The following PACRG variants were observed in gnomAD, a reference collection of about 807,000 sequenced individuals.
PACRG encodes parkin coregulated.
Under a neutral mutation model 29.7 loss-of-function variants are expected in PACRG, and 29 were observed. That is an observed-to-expected ratio of 0.98 (90% CI 0.73 to 1.33). PACRG has a LOEUF of 1.33. Among genes scored for constraint, PACRG ranks in the 40% most tolerant of loss-of-function variants. The probability of loss-of-function intolerance (pLI) is 0.00; values close to 1 mark genes in which losing one functional copy is unlikely to be tolerated. For missense variants in PACRG, 279 were observed against 316.2 expected (o/e 0.88, Z 0.89); for synonymous variants, 116 against 118.7 (o/e 0.98, Z 0.15).
At chr6:163,308,712 T>G (rs1282939487) in intron 4 of PACRG, among the ~76,000 whole-genome samples, 1 of 148,894 alleles carries the variant, frequency 6.7e-6, no homozygotes, top group Non-Finnish European at 1.5e-5. Flanking sequence ...CAACAGAGAA[T>G]CTGTGATGGC....
At chr6:162,847,060 T>C (rs879058771) in intron 2 of PACRG, among the ~76,000 whole-genome samples, 2 of 128,212 alleles carry the variant, frequency 1.6e-5, no homozygotes, top group South Asian at 2.4e-4. Flanking sequence ...GTGCTCCTCA[T>C]GCTGACTGCC....
chr6:163,066,888 A>G (rs559027227), intron 3 of PACRG, among the ~76,000 whole-genome samples: 1 of 152,348 alleles, frequency 6.6e-6, no homozygotes, highest in East Asian at 1.9e-4. Context: ...AGAGTTTTCA[A>G]GTGTATAAAG....
chr6:163,039,191 T>G (rs1808472886), intron 2 of PACRG, among the ~76,000 whole-genome samples: 1 of 152,190 alleles, frequency 6.6e-6, no homozygotes, highest in African/African-American at 2.4e-5. Flanking sequence ...CTGCACTCTC[T>G]CTCTCCTGCT....
chr6:163,013,073 A>T (rs556746209), intron 2 of PACRG, among the ~76,000 whole-genome samples: 1 of 152,136 alleles, frequency 6.6e-6, no homozygotes, highest in South Asian at 2.1e-4. Flanking sequence ...AAATGGTAAC[A>T]TTTTGGATAT....
At chr6:163,130,073 A>G (rs1473121359) in intron 4 of PACRG, among the ~76,000 whole-genome samples, 1 of 152,224 alleles carries the variant, frequency 6.6e-6, no homozygotes, top group Non-Finnish European at 1.5e-5. Flanking sequence ...TAAAAGGAGA[A>G]ATGGCAAAGG....
At chr6:163,159,779 T>C (rs552724786) in intron 4 of PACRG, among the ~76,000 whole-genome samples, 5 of 152,294 alleles carry the variant, frequency 3.3e-5, no homozygotes, top group African/African-American at 1.2e-4. Context: ...TCCCACAAAT[T>C]GTTTTCTAAT....
At chr6:163,286,935 T>A (rs1784422273) in intron 4 of PACRG, among the ~76,000 whole-genome samples, 1 of 150,764 alleles carries the variant, frequency 6.6e-6, no homozygotes, top group South Asian at 2.1e-4. Flanking sequence ...TGTATGTGAC[T>A]GTGGATGTGT....
chr6:163,296,080 G>T (rs530327077), intron 4 of PACRG, among the ~76,000 whole-genome samples: 1 of 152,116 alleles, frequency 6.6e-6, no homozygotes, highest in African/African-American at 2.4e-5. Flanking sequence ...TAGGAGACTC[G>T]TGGAAACCCA....
At chr6:163,065,431 C>T (rs922341394) in intron 3 of PACRG, among the ~76,000 whole-genome samples, 5 of 152,100 alleles carry the variant, frequency 3.3e-5, no homozygotes, top group Admixed American at 6.5e-5. Flanking sequence ...CTGGAATCTC[C>T]GCATACGAAA....
intron 2 of PACRG, among the ~76,000 whole-genome samples, chr6:162,884,043 T>C (rs1052813372): frequency 1.3e-5 from 2 of 152,110 alleles, no homozygotes; most frequent in East Asian, 3.9e-4. Flanking sequence ...GCTCAAGCGA[T>C]CCTCCCACCT....
At chr6:162,769,770 A>G (rs1783073438) in intron 1 of PACRG, among the ~76,000 whole-genome samples, 3 of 151,780 alleles carry the variant, frequency 2.0e-5, no homozygotes, top group Admixed American at 6.6e-5. Flanking sequence ...GTTAGCAAAA[A>G]AAAAAAAGAA....
At chr6:163,167,152 G>GT (rs1427393917) in intron 4 of PACRG, among the ~76,000 whole-genome samples, 3 of 152,170 alleles carry the variant, frequency 2.0e-5, no homozygotes, top group African/African-American at 4.8e-5. Context: ...CAGTTTGCTG[G>GT]TAAAACACAA....
chr6:163,211,821 A>G (rs1781154777), intron 4 of PACRG, among the ~76,000 whole-genome samples: 1 of 152,216 alleles, frequency 6.6e-6, no homozygotes. Flanking sequence ...AGGGGAGGGT[A>G]GCATAATGCA....
chr6:163,136,996 C>T (rs1370484727), intron 4 of PACRG, among the ~76,000 whole-genome samples: 1 of 152,188 alleles, frequency 6.6e-6, no homozygotes, highest in Non-Finnish European at 1.5e-5. Flanking sequence ...ATAGTTTAAA[C>T]GGAACTCCTA....
chr6:163,093,877 A>T (rs1271229367), intron 4 of PACRG, among the ~76,000 whole-genome samples: 2 of 152,244 alleles, frequency 1.3e-5, no homozygotes, highest in African/African-American at 2.4e-5. Context: ...ACATTAAAAC[A>T]TATGGGGAAT....
chr6:163,260,417 G>A (rs540058360), intron 4 of PACRG, among the ~76,000 whole-genome samples: 9 of 152,274 alleles, frequency 5.9e-5, no homozygotes, highest in African/African-American at 1.2e-4. Flanking sequence ...TTCAAAGTTC[G>A]GGCTTTAAAA....
chr6:162,943,462 C>G (rs1798774254), intron 2 of PACRG, among the ~76,000 whole-genome samples: 1 of 152,136 alleles, frequency 6.6e-6, no homozygotes, highest in Admixed American at 6.5e-5. Flanking sequence ...AGTGCACACT[C>G]CCCAGCTGCC....
intron 2 of PACRG, among the ~76,000 whole-genome samples, chr6:162,947,627 T>TATAATC (rs1799319639): frequency 3.3e-5 from 2 of 61,114 alleles, no homozygotes; most frequent in African/African-American, 1.3e-4. Context: ...TATATATATA[T>TATAATC]ATATATATAT....
chr6:163,213,631 C>A (rs1034957135), intron 4 of PACRG, among the ~76,000 whole-genome samples: 3 of 152,020 alleles, frequency 2.0e-5, no homozygotes, highest in African/African-American at 7.2e-5. Context: ...TTTTATGAAG[C>A]CTCTATGTAT....
Sources: allele counts gnomAD v4.1 joint callset (sites outside exome capture counted in the v4.1 genomes callset), GRCh38; gene constraint gnomAD v4.1.1; transcripts MANE v1.5; gene names NCBI Gene and HGNC (gene_info 2026-07-23, HGNC 2026-07-21).